DSCAML1: variants seen among roughly 807,000 people sequenced by gnomAD.
DSCAML1 encodes the protein DS cell adhesion molecule like 1.
In DSCAML1, 38 loss-of-function variants were observed where a neutral mutation model predicts 200.5. The ratio of observed to expected loss-of-function variants is 0.19; its 90% CI spans 0.15 to 0.25. The LOEUF (loss-of-function observed/expected upper bound fraction) is 0.25. Among genes scored for constraint, DSCAML1 ranks in the 10% least tolerant of loss-of-function variants. The pLI is 1.00. For missense variants in DSCAML1, 2,223 were observed against 2,858.8 expected (o/e 0.78, Z 5.07); for synonymous variants, 1,215 against 1,165.0 (o/e 1.04, Z -0.87).
chr11:117,654,278 G>A (rs2052690983), intron 3 of DSCAML1, among the ~76,000 whole-genome samples: 2 of 152,170 alleles, frequency 1.3e-5, no homozygotes, highest in African/African-American at 4.8e-5. Context: ...CTGTAGTGAT[G>A]GTTGCACATA....
intron 3 of DSCAML1, among the ~76,000 whole-genome samples, chr11:117,686,084 T>C (rs1411348789): frequency 6.6e-6 from 1 of 152,108 alleles, no homozygotes; most frequent in Non-Finnish European, 1.5e-5. Context: ...AGAATTGAGG[T>C]ACCAGGTTCC....
intron 3 of DSCAML1, among the ~76,000 whole-genome samples, chr11:117,622,411 G>A (rs1211684354): frequency 6.6e-6 from 1 of 152,158 alleles, no homozygotes; most frequent in African/African-American, 2.4e-5. Context: ...GTGATTGATG[G>A]CACAGAGTTA....
chr11:117,647,023 A>G (rs1168875024), intron 3 of DSCAML1, among the ~76,000 whole-genome samples: 2 of 152,202 alleles, frequency 1.3e-5, no homozygotes, highest in Admixed American at 6.5e-5. Flanking sequence ...ATCTTGTCCA[A>G]TCCTCTCATG....
intron 3 of DSCAML1, among the ~76,000 whole-genome samples, chr11:117,691,291 G>C (rs746517296): frequency 1.3e-5 from 2 of 152,188 alleles, no homozygotes. Context: ...TGAGTAACAG[G>C]GACCCTGGAG....
At chr11:117,790,480 G>A (rs2055440536) in intron 1 of DSCAML1, among the ~76,000 whole-genome samples, 1 of 152,226 alleles carries the variant, frequency 6.6e-6, no homozygotes, top group East Asian at 1.9e-4. Context: ...ATATGTTGGG[G>A]CCCACGGAGG....
At chr11:117,787,276 A>G (rs2055374428) in intron 1 of DSCAML1, among the ~76,000 whole-genome samples, 1 of 152,204 alleles carries the variant, frequency 6.6e-6, no homozygotes, top group Non-Finnish European at 1.5e-5. Context: ...AGCTTGGGAC[A>G]GTTTCTGCTT....
At chr11:117,769,995 C>G (rs180978576) in intron 3 of DSCAML1, among the ~76,000 whole-genome samples, 4 of 152,282 alleles carry the variant, frequency 2.6e-5, no homozygotes, top group Non-Finnish European at 5.9e-5. Flanking sequence ...ATCACCCCAG[C>G]CTTTCATTGC....
chr11:117,754,807 T>C (rs560293277), intron 3 of DSCAML1, among the ~76,000 whole-genome samples: 1 of 152,236 alleles, frequency 6.6e-6, no homozygotes, highest in South Asian at 2.1e-4. Context: ...AGCTTCCAAA[T>C]GATCCCCTCA....
chr11:117,461,841 G>C (rs41440247), intron 17 of DSCAML1, among the ~76,000 whole-genome samples: 17,009 of 152,178 alleles, frequency 0.11, 1,074 homozygotes, highest in Admixed American at 0.19. Context: ...TTGCTCTCTG[G>C]GTAGCACATT....
At position 117,433,219 on chromosome 11, in the gene DSCAML1, G is replaced by T; in HGVS notation, c.4945C>A (p.Pro1649Thr). ...NRSFDTPVKGPPQGPRLHIDI... is the reference protein window; with the variant it reads ...NRSFDTPVKGTPQGPRLHIDI... ...ATGTGTAGCCGTGGGCCCTGGGGTG[G>T]CCCTTTCACAGGGGTGTCAAAGCTT... The change falls in exon 29 of 33, where the codon CCA becomes ACA. Residue 1649 changes from proline (P) to threonine (T), a missense_variant. Transcript: ENST00000651296. The T allele has an allele frequency of 6.2e-7, 1 of 1,613,424 alleles. No homozygotes were observed. The highest frequency in any genetic ancestry group is 8.5e-7 in the Non-Finnish European group (1 of 1,179,692).
Position 117,431,728 on chromosome 11 carries a change from T to A in DSCAML1, c.5180A>T (p.Asn1727Ile). The A allele has an allele frequency of 2.6e-6, 4 of 1,559,960 alleles. No individual in the cohort carries two copies. Among genetic ancestry groups the A allele is most frequent in the Non-Finnish European group, 3.5e-6 (4 of 1,148,312 alleles). Residue 1727 changes from asparagine to isoleucine, a missense_variant and splice_region_variant, in exon 31 of 33, where the codon AAT (asparagine) becomes ATT (isoleucine). Physicochemically the swap from Asn to Ile is moderately radical, Grantham distance 149. Around this residue, in one of 7 missense-constraint regions of DSCAML1, gnomAD observed 614 missense variants for 739.1 expected, o/e 0.83. Transcript: ENST00000651296. Reference protein sequence around the residue: ...IDMSDIRPGTNPVSRKNVKSA... With the variant: ...IDMSDIRPGTIPVSRKNVKSA... ...CTTCACATTCTTCCTGGACACTGGATCTGCACAGACAGAAGCAAGAAATTG... is the reference window on the plus strand; with the variant it reads ...CTTCACATTCTTCCTGGACACTGGAACTGCACAGACAGAAGCAAGAAATTG...
chr11:117,430,692 C>A, intron 32 of DSCAML1, 30 bp downstream of exon 32: 1 of 1,581,668 alleles, frequency 6.3e-7, no homozygotes, highest in Non-Finnish European at 8.6e-7. Context: ...GGCGGGGGGG[C>A]ACTGCCTGGG....
intron 15 of DSCAML1, among the ~76,000 whole-genome samples, chr11:117,470,311 C>G (rs1215231202): frequency 6.6e-6 from 1 of 152,068 alleles, no homozygotes; most frequent in African/African-American, 2.4e-5. Context: ...CGCGGTGGCT[C>G]ACACCTGTAA....
chr11:117,683,387 C>T (rs1565872349), intron 3 of DSCAML1, among the ~76,000 whole-genome samples: 1 of 152,244 alleles, frequency 6.6e-6, no homozygotes, highest in Non-Finnish European at 1.5e-5. Flanking sequence ...ACAAGACCTA[C>T]TGCGTGTAAA....
chr11:117,586,430 G>C (rs928491157), intron 3 of DSCAML1, among the ~76,000 whole-genome samples: 1 of 152,204 alleles, frequency 6.6e-6, no homozygotes, highest in African/African-American at 2.4e-5. Flanking sequence ...TCCCACTGGA[G>C]AGACCAATCT....
chr11:117,646,722 G>A (rs527989659), intron 3 of DSCAML1, among the ~76,000 whole-genome samples: 2 of 152,082 alleles, frequency 1.3e-5, no homozygotes, highest in East Asian at 1.9e-4. Context: ...AAATCAGTCC[G>A]CAAACACTAC....
rs753117558 is a variant in DSCAML1, at chr11:117,432,382, T to C, written c.5149A>G (p.Ile1717Val). Residue 1717 changes from isoleucine to valine, a missense_variant, in exon 30 of 33, where the codon ATC (isoleucine) becomes GTC (valine). Physicochemically the swap from Ile to Val is conservative, Grantham distance 29. Coordinates refer to ENST00000651296, the MANE Select transcript of DSCAML1 (RefSeq NM_020693.4). ...PTLIQSTGPL[I>V]DMSDIRPGTN... ...CCTGGCCGGATGTCAGACATGTCGA[T>C]GAGGGGTCCTGTGCTCTGGATGAGG... is the stretch of plus-strand genomic sequence containing the variant. 18 of 1,613,980 alleles carry C rather than the reference T, an allele frequency of 1.1e-5. No homozygotes were observed. Among genetic ancestry groups the C allele is most frequent in the Non-Finnish European group, 1.5e-5 (18 of 1,179,986 alleles).
At chr11:117,752,701 T>G (rs1373199626) in intron 3 of DSCAML1, among the ~76,000 whole-genome samples, 1 of 152,222 alleles carries the variant, frequency 6.6e-6, no homozygotes, top group Non-Finnish European at 1.5e-5. Context: ...TGCTAAGAAC[T>G]GTTTCTTCTC....
At chr11:117,580,579 A>AT (rs11376690) in intron 3 of DSCAML1, among the ~76,000 whole-genome samples, 107,779 of 151,678 alleles carry the variant, frequency 0.71, 39,546 homozygotes, top group Non-Finnish European at 0.8. Flanking sequence ...TGCTAAATAA[A>AT]TGTTGGCCAT....
Sources: gnomAD v4.1 joint callset for allele counts (sites outside exome capture counted in the v4.1 genomes callset) on GRCh38, gnomAD v4.1.1 for gene constraint, gnomAD v4.1.1 regional missense constraint, MANE v1.5 for transcripts, NCBI Gene and HGNC (gene_info 2026-07-23, HGNC 2026-07-21) for gene names.